The following GALNT13 variants were observed in gnomAD, a reference collection of about 807,000 sequenced individuals.
GALNT13 encodes the protein polypeptide N-acetylgalactosaminyltransferase 13, also known as UDP-GalNAc:polypeptide N-acetylgalactosaminyltransferase 13.
GALNT13 carries 28 observed loss-of-function variants against 64.2 expected under a neutral mutation model. The ratio of observed to expected loss-of-function variants is 0.44; its 90% confidence interval spans 0.32 to 0.60. GALNT13 has a LOEUF of 0.60. Ranked by LOEUF, GALNT13 falls within the 20% of genes least tolerant of loss-of-function variation. The probability of loss-of-function intolerance (pLI) is 0.05; values close to 1 mark genes in which losing one functional copy is unlikely to be tolerated. For synonymous variants in GALNT13, 214 were observed against 224.6 expected (o/e 0.95, Z 0.42); for missense variants, 577 against 669.8 (o/e 0.86, Z 1.53).
chr2:153,437,726 A>C, the GALNT13 span, among the ~76,000 whole-genome samples: 4 of 152,018 alleles, frequency 2.6e-5, no homozygotes, highest in African/African-American at 9.7e-5. Flanking sequence ...GTGTCTCTGC[A>C]TGTGAGATGG....
the GALNT13 span, among the ~76,000 whole-genome samples, chr2:153,068,485 A>C: frequency 6.6e-6 from 1 of 151,980 alleles, no homozygotes; most frequent in Non-Finnish European, 1.5e-5. Context: ...TCATTTTTCT[A>C]TGTTTGGAAT....
At chr2:153,663,538 G>C in the GALNT13 span, among the ~76,000 whole-genome samples, 1 of 152,182 alleles carries the variant, frequency 6.6e-6, no homozygotes, top group Non-Finnish European at 1.5e-5. Flanking sequence ...TTCATTACCT[G>C]AAAGTCAGTG....
chr2:154,179,824 T>TAA (rs56303526), intron 4 of GALNT13, among the ~76,000 whole-genome samples: 41 of 126,510 alleles, frequency 3.2e-4, no homozygotes, highest in East Asian at 6.5e-4. Flanking sequence ...TCTTCCATGA[T>TAA]AAAAAAAAAA....
chr2:153,173,126 A>G, the GALNT13 span: 1 of 152,212 alleles, frequency 6.6e-6, no homozygotes, highest in African/African-American at 2.4e-5. Context: ...TATAATTCCA[A>G]ACAGCAATTG....
chr2:153,135,356 A>G, the GALNT13 span, among the ~76,000 whole-genome samples: 1 of 151,944 alleles, frequency 6.6e-6, no homozygotes, highest in Non-Finnish European at 1.5e-5. Flanking sequence ...GCACTTATTC[A>G]CTCCATCTGC....
intron 3 of GALNT13, among the ~76,000 whole-genome samples, chr2:154,137,050 G>C (rs1019649808): frequency 2.6e-5 from 4 of 151,854 alleles, no homozygotes; most frequent in Non-Finnish European, 5.9e-5. Flanking sequence ...CAACAGGTGA[G>C]AAAAATGTAT....
chr2:154,157,410 A>G (rs1207499701), intron 4 of GALNT13, among the ~76,000 whole-genome samples: 1 of 152,010 alleles, frequency 6.6e-6, no homozygotes, highest in Non-Finnish European at 1.5e-5. Context: ...ATGGGGTCTC[A>G]CTATGTCGCC....
At chr2:153,560,310 A>G in the GALNT13 span, among the ~76,000 whole-genome samples, 1 of 152,176 alleles carries the variant, frequency 6.6e-6, no homozygotes, top group Admixed American at 6.5e-5. Flanking sequence ...CATGTTTTAT[A>G]TTTGAATGTA....
the GALNT13 span, among the ~76,000 whole-genome samples, chr2:153,260,287 A>G: frequency 6.6e-6 from 1 of 152,212 alleles, no homozygotes; most frequent in African/African-American, 2.4e-5. Context: ...TACCATTACC[A>G]GTGAATTTTA....
At chr2:154,119,979 A>G (rs1041497896) in intron 3 of GALNT13, among the ~76,000 whole-genome samples, 2 of 152,146 alleles carry the variant, frequency 1.3e-5, no homozygotes, top group African/African-American at 2.4e-5. Flanking sequence ...TGGAGATGTT[A>G]TGACTCCCTA....
At chr2:153,369,576 G>A in the GALNT13 span, among the ~76,000 whole-genome samples, 8 of 152,090 alleles carry the variant, frequency 5.3e-5, no homozygotes, top group Non-Finnish European at 7.4e-5. Context: ...ATGCCTGTAC[G>A]TAATCTCCTC....
chr2:154,342,320 C>T (rs1695815038), intron 9 of GALNT13, among the ~76,000 whole-genome samples: 1 of 152,036 alleles, frequency 6.6e-6, no homozygotes, highest in African/African-American at 2.4e-5. Context: ...ATTCACCTCT[C>T]AAAATGTGAT....
chr2:153,894,581 G>C (rs4092901), intron 1 of GALNT13, among the ~76,000 whole-genome samples: 15,523 of 151,972 alleles, frequency 0.1, 1,855 homozygotes, highest in East Asian at 0.6. Flanking sequence ...GGGGGTGACA[G>C]GGAGGGAGGA....
chr2:153,698,724 T>C, the GALNT13 span, among the ~76,000 whole-genome samples: 108 of 152,308 alleles, frequency 7.1e-4, no homozygotes, highest in African/African-American at 2.4e-3. Context: ...AACTCAGCTC[T>C]GGATCAAGTG....
At chr2:154,199,058 G>A (rs919886595) in intron 4 of GALNT13, among the ~76,000 whole-genome samples, 1 of 151,968 alleles carries the variant, frequency 6.6e-6, no homozygotes, top group Non-Finnish European at 1.5e-5. Flanking sequence ...TTGCATCTAA[G>A]GAGCTGGACT....
the GALNT13 span, among the ~76,000 whole-genome samples, chr2:153,655,233 A>G: frequency 1.1e-4 from 16 of 152,100 alleles, no homozygotes; most frequent in Non-Finnish European, 2.4e-4. Context: ...CCACCCCAAA[A>G]TACTTGAGAT....
the GALNT13 span, among the ~76,000 whole-genome samples, chr2:153,847,680 G>T: frequency 6.6e-6 from 1 of 152,048 alleles, no homozygotes; most frequent in Non-Finnish European, 1.5e-5. Context: ...GAGTTAAGTG[G>T]TAATAAAAAT....
chr2:154,100,160 C>A (rs916822368), intron 3 of GALNT13, among the ~76,000 whole-genome samples: 5 of 151,686 alleles, frequency 3.3e-5, no homozygotes, highest in African/African-American at 1.2e-4. Flanking sequence ...TAGCTTTTTT[C>A]TTTTTTCTTA....
At chr2:153,363,951 G>T in the GALNT13 span, among the ~76,000 whole-genome samples, 4 of 151,928 alleles carry the variant, frequency 2.6e-5, no homozygotes, top group Non-Finnish European at 4.4e-5. Context: ...AAAACTTCAG[G>T]CCAATATTTC....
Sources: allele counts gnomAD v4.1 joint callset (sites outside exome capture counted in the v4.1 genomes callset), GRCh38; gene constraint gnomAD v4.1.1; transcripts MANE v1.5; gene names NCBI Gene and HGNC (gene_info 2026-07-23, HGNC 2026-07-21).